The following INPP4B variants were observed in gnomAD, a reference collection of about 807,000 sequenced individuals.
The protein encoded by INPP4B is inositol polyphosphate 4-phosphatase type II.
In INPP4B, 55 loss-of-function variants were observed where a neutral mutation model predicts 122.5. The ratio of observed to expected loss-of-function variants is 0.45; its 90% CI spans 0.36 to 0.56. The LOEUF (loss-of-function observed/expected upper bound fraction) is 0.56, where lower values mean the gene tolerates loss of function less well. Among genes scored for constraint, INPP4B ranks in the 20% least tolerant of loss-of-function variants. The probability of loss-of-function intolerance (pLI) is 0.00; values close to 1 mark genes in which losing one functional copy is unlikely to be tolerated. For missense variants in INPP4B, 1,000 were observed against 1,097.7 expected (o/e 0.91, Z 1.26); for synonymous variants, 403 against 388.7 (o/e 1.04, Z -0.43).
At chr4:142,372,899 A>T (rs1435117108) in intron 7 of INPP4B, among the ~76,000 whole-genome samples, 3 of 152,036 alleles carry the variant, frequency 2.0e-5, no homozygotes, top group Non-Finnish European at 4.4e-5. Flanking sequence ...AATTCATATG[A>T]TTAAGCACAT....
chr4:142,641,439 G>T (rs1166528178), intron 2 of INPP4B, among the ~76,000 whole-genome samples: 2 of 123,830 alleles, frequency 1.6e-5, no homozygotes, highest in African/African-American at 6.2e-5. Flanking sequence ...CCCACAACAG[G>T]CCCCGTTGTG....
chr4:142,731,944 G>A (rs1461573188), intron 1 of INPP4B, among the ~76,000 whole-genome samples: 1 of 152,170 alleles, frequency 6.6e-6, no homozygotes, highest in Non-Finnish European at 1.5e-5. Flanking sequence ...ATAGGAGACA[G>A]GGGAGTGCAG....
At chr4:142,704,641 TC>T (rs892323360) in intron 2 of INPP4B, among the ~76,000 whole-genome samples, 1 of 152,212 alleles carries the variant, frequency 6.6e-6, no homozygotes, top group African/African-American at 2.4e-5. Context: ...TCCCAATTGC[TC>T]AAAGATCGCT....
intron 11 of INPP4B, among the ~76,000 whole-genome samples, chr4:142,260,033 G>C (rs181990342): frequency 6.6e-6 from 1 of 152,288 alleles, no homozygotes; most frequent in East Asian, 1.9e-4. Flanking sequence ...TCTCCAAGCT[G>C]GAGTGCAGTG....
At chr4:142,269,018 T>TTCTCTGTCTTATTCA in intron 10 of INPP4B, among the ~76,000 whole-genome samples, 1 of 152,110 alleles carries the variant, frequency 6.6e-6, no homozygotes, top group Non-Finnish European at 1.5e-5. Flanking sequence ...ATAGCCTTAA[T>TTCTCTGTCTTATTCA]ACAGAGTTTT....
intron 2 of INPP4B, among the ~76,000 whole-genome samples, chr4:142,674,716 C>T (rs1170240624): frequency 3.3e-5 from 5 of 152,138 alleles, no homozygotes; most frequent in Non-Finnish European, 7.4e-5. Context: ...GATTAAGAAA[C>T]TCACTCAAAA....
intron 1 of INPP4B, among the ~76,000 whole-genome samples, chr4:142,734,455 T>C (rs1174352898): frequency 6.6e-6 from 1 of 152,220 alleles, no homozygotes; most frequent in Non-Finnish European, 1.5e-5. Context: ...GAGGAGAGTC[T>C]CTGGTGTGCA....
chr4:142,393,662 C>T (rs1030173946), intron 7 of INPP4B, among the ~76,000 whole-genome samples: 1 of 152,234 alleles, frequency 6.6e-6, no homozygotes, highest in East Asian at 1.9e-4. Context: ...ACTGCAACCA[C>T]AAGATTGAAA....
chr4:142,547,166 TG>T (rs1261184059), intron 2 of INPP4B, among the ~76,000 whole-genome samples: 5 of 151,384 alleles, frequency 3.3e-5, no homozygotes, highest in African/African-American at 1.2e-4. Flanking sequence ...GCAATGAGGA[TG>T]GTAAATAAGG....
At chr4:142,225,382 G>T (rs1402060193) in intron 12 of INPP4B, among the ~76,000 whole-genome samples, 1 of 151,844 alleles carries the variant, frequency 6.6e-6, no homozygotes, top group Non-Finnish European at 1.5e-5. Context: ...AGGCTTCCTT[G>T]CTCCTCAATT....
At chr4:142,464,219 G>T (rs1458576942) in intron 2 of INPP4B, among the ~76,000 whole-genome samples, 2 of 151,914 alleles carry the variant, frequency 1.3e-5, no homozygotes, top group Non-Finnish European at 2.9e-5. Flanking sequence ...ATGTTACCTG[G>T]TTCTTTTCTC....
At chr4:142,200,975 C>G (rs1235900198) in intron 14 of INPP4B, among the ~76,000 whole-genome samples, 1 of 151,904 alleles carries the variant, frequency 6.6e-6, no homozygotes, top group Non-Finnish European at 1.5e-5. Context: ...GCAAAGTCTC[C>G]CTGTCTTTGT....
intron 7 of INPP4B, among the ~76,000 whole-genome samples, chr4:142,334,391 T>C (rs1400692763): frequency 6.6e-6 from 1 of 152,170 alleles, no homozygotes; most frequent in Non-Finnish European, 1.5e-5. Context: ...TTTTGGGTAT[T>C]GTGAATAATG....
At chr4:142,768,662 G>A (rs965842432) in intron 1 of INPP4B, among the ~76,000 whole-genome samples, 3 of 152,200 alleles carry the variant, frequency 2.0e-5, no homozygotes, top group South Asian at 2.1e-4. Flanking sequence ...AGCAAGAGAT[G>A]TGCATTTCAA....
chr4:142,038,896 T>C (rs762421217), intron 25 of INPP4B, among the ~76,000 whole-genome samples: 43 of 152,144 alleles, frequency 2.8e-4, no homozygotes, highest in Admixed American at 2.6e-4. Context: ...TACTGGTTGG[T>C]ATTAGTTTTT....
intron 11 of INPP4B, among the ~76,000 whole-genome samples, chr4:142,257,957 A>C (rs1045697774): frequency 1.8e-4 from 27 of 152,228 alleles, no homozygotes; most frequent in Non-Finnish European, 3.5e-4. Flanking sequence ...AGACTATACT[A>C]CAAGGCTACA....
At chr4:142,488,168 T>A (rs1821425166) in intron 2 of INPP4B, among the ~76,000 whole-genome samples, 1 of 152,110 alleles carries the variant, frequency 6.6e-6, no homozygotes, top group African/African-American at 2.4e-5. Context: ...TCATAGAACT[T>A]CCTCCTTTCT....
In INPP4B at chr4:142,167,099, T is replaced by C. The variant is rs140678084; in HGVS notation, c.1359+6533A>G. 5.0e-3 allele frequency among the ~76,000 whole-genome samples: 767 copies of C among 152,040 alleles called. 10 individuals carry two copies. The highest frequency in any genetic ancestry group is 0.018 in the African/African-American group (729 of 41,502). On this transcript the variant is annotated intron_variant, in intron 16 of 25. Transcript: ENST00000262992. Reference sequence around the variant, plus strand: ...AATAAAGATACATGCTCATGTATGTTCATTGCAGCACTATTCACAATAGCA... The same window carrying C: ...AATAAAGATACATGCTCATGTATGTCCATTGCAGCACTATTCACAATAGCA...
At chr4:142,359,160 C>T (rs1475831530) in intron 7 of INPP4B, among the ~76,000 whole-genome samples, 1 of 151,496 alleles carries the variant, frequency 6.6e-6, no homozygotes, top group Non-Finnish European at 1.5e-5. Context: ...AGTCTAGCCA[C>T]AGAATTCTTT....
Sources: gnomAD v4.1 joint callset for allele counts (sites outside exome capture counted in the v4.1 genomes callset) on GRCh38, gnomAD v4.1.1 for gene constraint, MANE v1.5 for transcripts, NCBI Gene and HGNC (gene_info 2026-07-23, HGNC 2026-07-21) for gene names.